Variants in TMEM245 observed in about 807,000 individuals in gnomAD.
TMEM245 encodes transmembrane protein 245, also known as protein CG-2.
In TMEM245, 69 loss-of-function variants were observed where a neutral mutation model predicts 101.2. The observed-to-expected ratio is 0.68, with a 90% CI of 0.56 to 0.83. The LOEUF (loss-of-function observed/expected upper bound fraction) is 0.83, where lower values mean the gene tolerates loss of function less well. TMEM245 is among the 40% of genes least tolerant of loss of function. The pLI is 0.00. For missense variants in TMEM245, 1,075 were observed against 1,092.8 expected, an observed-to-expected ratio of 0.98 and a Z score of 0.23; for synonymous variants, 537 against 449.8, an observed-to-expected ratio of 1.19 and a Z score of -2.45.
chr9:109,109,038 T>A (rs538004976), intron 1 of TMEM245, among the ~76,000 whole-genome samples: 18 of 152,300 alleles, frequency 1.2e-4, no homozygotes, highest in African/African-American at 3.8e-4. Flanking sequence ...TGCTTGTTAC[T>A]GGGGAAATAA....
intron 3 of TMEM245, among the ~76,000 whole-genome samples, chr9:109,094,944 T>C (rs910117243): frequency 1.1e-4 from 17 of 152,086 alleles, no homozygotes; most frequent in African/African-American, 3.9e-4. Context: ...CATACCCAAA[T>C]ATCCAAAGCT....
chr9:109,067,407 A>T (rs16913784), intron 9 of TMEM245, among the ~76,000 whole-genome samples: 8,707 of 152,170 alleles, frequency 0.057, 853 homozygotes, highest in African/African-American at 0.2. Context: ...CTCACTCAAG[A>T]GGGATCCCTC....
intron 9 of TMEM245, among the ~76,000 whole-genome samples, chr9:109,067,056 C>CA (rs35037428): frequency 0.28 from 24,355 of 85,512 alleles, 2,552 homozygotes; most frequent in East Asian, 0.42. Context: ...GACTCCATCT[C>CA]AAAAAAAAAA....
intron 8 of TMEM245, among the ~76,000 whole-genome samples, chr9:109,073,856 G>GTTTTT (rs904054098): frequency 0.012 from 1,407 of 119,776 alleles, 31 homozygotes; most frequent in Non-Finnish European, 0.017. Flanking sequence ...TTTTTTTTTT[G>GTTTTT]TTTTTTTTTT....
intron 17 of TMEM245, among the ~76,000 whole-genome samples, chr9:109,030,203 A>G (rs1036210987): frequency 6.6e-6 from 1 of 152,134 alleles, no homozygotes; most frequent in Non-Finnish European, 1.5e-5. Context: ...AGGGTCAAAA[A>G]GTGGTTCCTC....
In TMEM245 at chr9:109,087,227, G is replaced by A. The variant is rs369574982; in HGVS notation, c.1266C>T (p.Leu422=). The A allele has an allele frequency of 1.3e-5, 21 of 1,613,402 alleles. No individual in the cohort carries two copies. Among genetic ancestry groups the A allele is most frequent in the East Asian group, 4.5e-5 (2 of 44,840 alleles). Residue 422 remains leucine, a synonymous_variant, in exon 6 of 18, where the codon CTC becomes CTT. Coordinates refer to ENST00000374586, the MANE Select transcript of TMEM245 (RefSeq NM_032012.4). The part of the protein sequence containing the change: ...ESFLKERQGA[L]APWPIVGLGK... The stretch of plus-strand genomic sequence containing the variant: ...CAAGCCCGACAATGGGCCAAGGCGC[G>A]AGAGCTCCCTGCCGCTCCTTCAGGA...
Position 109,087,349 on chromosome 9 carries a change from A to G in TMEM245, c.1151-7T>C. 6.3e-7 allele frequency: 1 copy of G among 1,583,992 alleles called. No individual in the cohort carries two copies. Among genetic ancestry groups the G allele is most frequent in the East Asian group, 2.3e-5 (1 of 44,334 alleles). On this transcript the variant is annotated splice_region_variant and splice_polypyrimidine_tract_variant and intron_variant, in intron 5 of 17. Transcript: ENST00000374586. ...AGCTTTTTGAGTATCCAGACTAAAA[A>G]AAGACAAAAAATACATATATAAACA...
intron 1 of TMEM245, among the ~76,000 whole-genome samples, chr9:109,109,899 T>C (rs184887874): frequency 3.3e-5 from 5 of 152,314 alleles, no homozygotes; most frequent in Admixed American, 2.0e-4. Flanking sequence ...ATCTACTATA[T>C]GGTGGGAGGA....
chr9:109,063,835 C>A lies in TMEM245; in HGVS notation c.1623+642G>T, dbSNP rs117480138. On this transcript the variant is annotated intron_variant, in intron 10 of 17. Coordinates refer to ENST00000374586, the MANE Select transcript of TMEM245 (RefSeq NM_032012.4). ...CTCACACAAATACCCTTCTTAAAATCCACTCTTCCTTGATCTGCCATTCCT... is the reference window on the plus strand; with the variant it reads ...CTCACACAAATACCCTTCTTAAAATACACTCTTCCTTGATCTGCCATTCCT... Among the ~76,000 whole-genome samples, 1,346 of 152,324 alleles carry A rather than the reference C, an allele frequency of 8.8e-3. 9 individuals carry two copies. Among genetic ancestry groups the A allele is most frequent in the Non-Finnish European group, 0.013 (887 of 68,030 alleles).
At chr9:109,055,405 G>A (rs1564182551) in intron 12 of TMEM245, among the ~76,000 whole-genome samples, 1 of 152,194 alleles carries the variant, frequency 6.6e-6, no homozygotes, top group African/African-American at 2.4e-5. Flanking sequence ...GCTGCTTTTA[G>A]TGTTGCACTC....
intron 14 of TMEM245, among the ~76,000 whole-genome samples, chr9:109,039,917 T>C (rs1296722981): frequency 1.3e-5 from 2 of 152,016 alleles, no homozygotes; most frequent in African/African-American, 4.8e-5. Flanking sequence ...AGAGATGTGA[T>C]CCTTTCTTTA....
chr9:109,108,931 T>C (rs1193135776), intron 1 of TMEM245, among the ~76,000 whole-genome samples: 1 of 152,108 alleles, frequency 6.6e-6, no homozygotes, highest in Non-Finnish European at 1.5e-5. Context: ...TGTTGATCAA[T>C]GTTTAGAAAA....
chr9:109,032,594 G>A (rs1408731017), intron 17 of TMEM245, among the ~76,000 whole-genome samples: 1 of 150,042 alleles, frequency 6.7e-6, no homozygotes, highest in African/African-American at 2.4e-5. Context: ...TACCATGTTG[G>A]CCAGGCTGGT....
intron 11 of TMEM245, among the ~76,000 whole-genome samples, chr9:109,059,395 C>CT (rs1828940174): frequency 6.6e-6 from 1 of 152,158 alleles, no homozygotes; most frequent in Non-Finnish European, 1.5e-5. Context: ...TACATGAACT[C>CT]TGAGAATCAT....
intron 17 of TMEM245, among the ~76,000 whole-genome samples, chr9:109,023,714 T>C (rs1476524848): frequency 1.3e-5 from 2 of 151,730 alleles, no homozygotes; most frequent in Non-Finnish European, 2.9e-5. Context: ...CGGGCGCCTG[T>C]AGTCCCAGCT....
intron 9 of TMEM245, among the ~76,000 whole-genome samples, chr9:109,065,723 A>G (rs1235670061): frequency 6.6e-6 from 1 of 152,164 alleles, no homozygotes; most frequent in Admixed American, 6.5e-5. Context: ...TCTTAATAAT[A>G]TACGCTGGAG....
At chr9:109,043,261 C>G (rs1016106731) in intron 14 of TMEM245, among the ~76,000 whole-genome samples, 1 of 152,174 alleles carries the variant, frequency 6.6e-6, no homozygotes, top group African/African-American at 2.4e-5. Context: ...TTCATCAAAT[C>G]TCTTGCAAAC....
chr9:109,041,549 C>A (rs1828308888), intron 14 of TMEM245, among the ~76,000 whole-genome samples: 1 of 147,646 alleles, frequency 6.8e-6, no homozygotes, highest in Admixed American at 6.8e-5. Context: ...TTGCAACCTC[C>A]ACCTCCTGGG....
chr9:109,033,193 A>G, intron 17 of TMEM245, 114 bp downstream of exon 17: 1 of 1,163,704 alleles, frequency 8.6e-7, no homozygotes, highest in Non-Finnish European at 1.2e-6. Flanking sequence ...TTATCACAGC[A>G]TTGGTACTCA....
Sources: gnomAD v4.1 joint callset for allele counts (sites outside exome capture counted in the v4.1 genomes callset) on GRCh38, gnomAD v4.1.1 for gene constraint, MANE v1.5 for transcripts, NCBI Gene and HGNC (gene_info 2026-07-23, HGNC 2026-07-21) for gene names.